GPR149: variants seen among roughly 807,000 people sequenced by gnomAD.
The protein encoded by GPR149 is G protein-coupled receptor 149.
In GPR149, 50 loss-of-function variants were observed where a neutral mutation model predicts 50.2. The observed-to-expected ratio is 1.00, with a 90% CI of 0.79 to 1.26. The LOEUF (loss-of-function observed/expected upper bound fraction) is 1.26. Ranked by LOEUF, GPR149 falls within the 50% of genes most tolerant of loss-of-function variation. The pLI is 0.00. For missense variants in GPR149, 983 were observed against 895.4 expected (o/e 1.10, Z -1.25); for synonymous variants, 405 against 358.2 (o/e 1.13, Z -1.48).
intron 2 of GPR149, among the ~76,000 whole-genome samples, chr3:154,421,932 G>T (rs1158885085): frequency 1.3e-5 from 2 of 151,522 alleles, no homozygotes; most frequent in African/African-American, 4.8e-5. Context: ...GAGTTATTCA[G>T]CTAAGAATAC....
At chr3:154,368,987 G>A (rs993702840) in intron 3 of GPR149, among the ~76,000 whole-genome samples, 3 of 152,378 alleles carry the variant, frequency 2.0e-5, no homozygotes, top group African/African-American at 7.2e-5. Flanking sequence ...TGGGCGCACA[G>A]CAGGGGCAAG....
intron 3 of GPR149, among the ~76,000 whole-genome samples, chr3:154,380,166 C>CAG (rs57858107): frequency 0.021 from 2,870 of 133,622 alleles, 36 homozygotes; most frequent in South Asian, 0.031. Flanking sequence ...GTGAGAGAGA[C>CAG]AGAGAGAGAG....
chr3:154,428,746 A>C lies in GPR149; in HGVS notation c.870T>G (p.Arg290=), dbSNP rs561377173. ...PAAAGAEACR[R]ENRGTLYGTR... is the part of the protein sequence containing the mutation. ...TGCCATAGAGAGTCCCCCGGTTCTC[A>C]CGCCTGCAGGCTTCAGCCCCAGCGG... Residue 290 remains arginine (R), a synonymous_variant, in exon 1 of 4, where the codon CGT becomes CGG. Transcript: ENST00000389740. 2.5e-6 allele frequency: 4 copies of C among 1,613,936 alleles called. No individual in the cohort carries two copies. Among genetic ancestry groups the C allele is most frequent in the Non-Finnish European group, 3.4e-6 (4 of 1,180,042 alleles).
In GPR149 at chr3:154,426,221, T is replaced by C. The variant is rs528204211; in HGVS notation, c.1174+1295A>G. On this transcript the variant is annotated intron_variant, in intron 2 of 3. Coordinates refer to ENST00000389740, the MANE Select transcript of GPR149 (RefSeq NM_001038705.3). ...AGGTTATTTTAAAGACAAATGCATC[T>C]GCCATCTACTACTAATAAAACTTAA... Among the ~76,000 whole-genome samples the C allele has an allele frequency of 2.6e-5, 4 of 152,336 alleles. No individual in the cohort carries two copies. The East Asian group carries it at 7.7e-4, about 29-fold the overall frequency.
intron 3 of GPR149, among the ~76,000 whole-genome samples, chr3:154,395,410 A>G (rs1278854073): frequency 6.8e-6 from 1 of 147,688 alleles, no homozygotes; most frequent in Non-Finnish European, 1.5e-5. Context: ...ACAAAATATG[A>G]TTCTAAAAAC....
At chr3:154,368,622 A>G (rs1192189535) in intron 3 of GPR149, among the ~76,000 whole-genome samples, 2 of 152,148 alleles carry the variant, frequency 1.3e-5, no homozygotes, top group African/African-American at 4.8e-5. Context: ...AATAGTTGGT[A>G]TTGGAAGGAA....
intron 3 of GPR149, among the ~76,000 whole-genome samples, chr3:154,396,075 G>C (rs978628996): frequency 6.6e-6 from 1 of 151,974 alleles, no homozygotes; most frequent in African/African-American, 2.4e-5. Flanking sequence ...TTTTTTTAAC[G>C]TTGCCTAGCT....
intron 3 of GPR149, among the ~76,000 whole-genome samples, chr3:154,358,641 A>G (rs1417489702): frequency 6.6e-6 from 1 of 152,174 alleles, no homozygotes; most frequent in Non-Finnish European, 1.5e-5. Flanking sequence ...AAGATACAAC[A>G]AGAATGAAAA....
chr3:154,353,342 C>T (rs1714132439), intron 3 of GPR149: 1 of 1,428,850 alleles, frequency 7.0e-7, no homozygotes. Flanking sequence ...TGTATACCCA[C>T]TGTGGGCAAG....
rs576243028 is a variant in GPR149 at position 154,345,623 on chromosome 3, T to A, written c.1624-7352A>T. Among the ~76,000 whole-genome samples the A allele has an allele frequency of 2.6e-5, 4 of 152,308 alleles. No homozygotes were observed. In the South Asian group the frequency reaches 8.3e-4, roughly 32 times the overall value. On this transcript the variant is annotated intron_variant, in intron 3 of 3. Transcript: ENST00000389740. ...TGCCATGTAAACACACTAGCACACA[T>A]AATCTCCTGTGATAATTGATTCAGA...
At chr3:154,368,314 T>G (rs1714589362) in intron 3 of GPR149, among the ~76,000 whole-genome samples, 1 of 152,190 alleles carries the variant, frequency 6.6e-6, no homozygotes, top group African/African-American at 2.4e-5. Flanking sequence ...TATTTAGAAG[T>G]CTTAAATTTT....
At position 154,350,539 on chromosome 3, in the gene GPR149, C is replaced by T. The variant is rs532631858; in HGVS notation, c.1624-12268G>A. On this transcript the variant is annotated intron_variant, in intron 3 of 3. Coordinates refer to ENST00000389740, the MANE Select transcript of GPR149 (RefSeq NM_001038705.3). ...ACTACATGACACTTTAAAAAGTTGA[C>T]AATCTGAATAAATGAAGAGACATAT... Among the ~76,000 whole-genome samples the T allele has an allele frequency of 2.2e-4, 33 of 152,184 alleles. No homozygotes were observed. In the South Asian group the frequency reaches 6.0e-3, roughly 28 times the overall value.
chr3:154,393,584 T>G (rs910923910), intron 3 of GPR149, among the ~76,000 whole-genome samples: 1 of 151,852 alleles, frequency 6.6e-6, no homozygotes, highest in Non-Finnish European at 1.5e-5. Context: ...GCCTGAGTAA[T>G]TAGGCAGGAA....
chr3:154,420,340 A>G lies in GPR149; in HGVS notation c.1623+699T>C, dbSNP rs114103915. On this transcript the variant is annotated intron_variant, in intron 3 of 3. Coordinates refer to ENST00000389740, the MANE Select transcript of GPR149 (RefSeq NM_001038705.3). ...AATCTCATATCAATATCACACTGCC[A>G]TTTCAATGAATAAGAAGGATCCCTC... is the stretch of plus-strand genomic sequence containing the variant. Among the ~76,000 whole-genome samples the G allele has an allele frequency of 9.9e-3, 1,508 of 152,118 alleles. 13 individuals carry two copies. The highest frequency in any genetic ancestry group is 0.03 in the South Asian group (144 of 4,830).
At chr3:154,397,075 T>G (rs1297164148) in intron 3 of GPR149, among the ~76,000 whole-genome samples, 3 of 151,964 alleles carry the variant, frequency 2.0e-5, no homozygotes. Context: ...AGGAGAGAAG[T>G]AAGTGTTGCT....
intron 3 of GPR149, among the ~76,000 whole-genome samples, chr3:154,395,832 G>A (rs1447220810): frequency 6.6e-6 from 1 of 152,038 alleles, no homozygotes; most frequent in East Asian, 1.9e-4. Context: ...CAAACCAAAT[G>A]TGATTTCTTT....
intron 3 of GPR149, among the ~76,000 whole-genome samples, chr3:154,350,135 T>G (rs1298928556): frequency 6.6e-6 from 1 of 152,042 alleles, no homozygotes; most frequent in Non-Finnish European, 1.5e-5. Context: ...GATTTGAGGC[T>G]ACAGTGAGCC....
At chr3:154,420,187 T>G (rs1322224858) in intron 3 of GPR149, among the ~76,000 whole-genome samples, 1 of 151,632 alleles carries the variant, frequency 6.6e-6, no homozygotes, top group African/African-American at 2.4e-5. Flanking sequence ...ATTCCAGAGA[T>G]TAGGTGCATG....
In GPR149 at chr3:154,357,296, C is replaced by A. The variant is rs527287360; in HGVS notation, c.1624-19025G>T. 2.4e-4 allele frequency among the ~76,000 whole-genome samples: 37 copies of A among 152,122 alleles called. No individual in the cohort carries two copies. In the South Asian group the frequency reaches 7.5e-3, roughly 31 times the overall value. The stretch of plus-strand genomic sequence containing the variant: ...GGCAAGGACTTCATGTCTAAAACAC[C>A]AAAACCAATGGCAACAAAAGCCAAA... On this transcript the variant is annotated intron_variant, in intron 3 of 3. Coordinates refer to ENST00000389740, the MANE Select transcript of GPR149 (RefSeq NM_001038705.3).
Sources: gnomAD v4.1 joint callset for allele counts (sites outside exome capture counted in the v4.1 genomes callset) on GRCh38, gnomAD v4.1.1 for gene constraint, MANE v1.5 for transcripts, NCBI Gene and HGNC (gene_info 2026-07-23, HGNC 2026-07-21) for gene names.